The following EML6 variants were observed in gnomAD, a reference collection of about 807,000 sequenced individuals.
The protein encoded by EML6 is EMAP like 6.
EML6 carries 154 observed loss-of-function variants against 240.1 expected under a neutral mutation model. The ratio of observed to expected loss-of-function variants is 0.64; its 90% CI spans 0.56 to 0.73. EML6 has a LOEUF of 0.73. Ranked by LOEUF, EML6 falls within the 30% of genes least tolerant of loss-of-function variation. EML6 has a pLI of 0.00. For missense variants in EML6, 2,964 were observed against 2,474.6 expected (o/e 1.20, Z -4.20); for synonymous variants, 1,148 against 899.0 (o/e 1.28, Z -4.95).
chr2:54,876,168 A>G (rs1268250756), intron 16 of EML6, among the ~76,000 whole-genome samples: 3 of 152,260 alleles, frequency 2.0e-5, no homozygotes, highest in Non-Finnish European at 4.4e-5. Flanking sequence ...ATGGCTAAAA[A>G]TAAAAAACTT....
chr2:54,803,553 C>T (rs1670295762), intron 2 of EML6, among the ~76,000 whole-genome samples: 2 of 152,120 alleles, frequency 1.3e-5, no homozygotes, highest in Admixed American at 1.3e-4. Flanking sequence ...AAGTGATTAT[C>T]TTAAAGTTGC....
chr2:54,825,175 G>A (rs1330406528), intron 5 of EML6, among the ~76,000 whole-genome samples: 1 of 152,072 alleles, frequency 6.6e-6, no homozygotes, highest in African/African-American at 2.4e-5. Flanking sequence ...CAAAGTTAAA[G>A]GACAAAATAA....
chr2:54,757,556 G>A (rs561125247), intron 2 of EML6, among the ~76,000 whole-genome samples: 5 of 152,274 alleles, frequency 3.3e-5, no homozygotes, highest in East Asian at 1.9e-4. Context: ...CAAGGCCGCC[G>A]ACTCACTTAA....
At chr2:54,752,335 G>C (rs1406394854) in intron 2 of EML6, among the ~76,000 whole-genome samples, 1 of 151,962 alleles carries the variant, frequency 6.6e-6, no homozygotes, top group Non-Finnish European at 1.5e-5. Context: ...ATATAAAAAA[G>C]TATAAAAATT....
intron 2 of EML6, among the ~76,000 whole-genome samples, chr2:54,808,919 T>A (rs796858063): frequency 2.6e-5 from 4 of 152,250 alleles, no homozygotes; most frequent in Non-Finnish European, 5.9e-5. Flanking sequence ...CAGTGCTTTC[T>A]ATTGCTATGG....
intron 2 of EML6, among the ~76,000 whole-genome samples, chr2:54,739,742 G>A (rs539783027): frequency 6.6e-6 from 1 of 152,250 alleles, no homozygotes; most frequent in African/African-American, 2.4e-5. Context: ...GGTGGTTAGG[G>A]AAGGCTTTCT....
In EML6 at chr2:54,813,346, C is replaced by T; in HGVS notation, c.312C>T (p.Val104=). ...NVQTVSLLKD[V]HTHGVACLAF... is the part of the protein sequence containing the mutation. Reference sequence around the variant, plus strand: ...AGACTGTGTCTCTTCTTAAAGATGTCCATACACATGGAGTTGCCTGCCTGG... The same window carrying T: ...AGACTGTGTCTCTTCTTAAAGATGTTCATACACATGGAGTTGCCTGCCTGG... Residue 104 remains valine, a synonymous_variant, in exon 3 of 42, where the codon GTC becomes GTT. Transcript: ENST00000356458. 2 of 1,551,590 alleles carry T rather than the reference C, an allele frequency of 1.3e-6. No homozygotes were observed. Among genetic ancestry groups the T allele is most frequent in the Non-Finnish European group, 1.7e-6 (2 of 1,146,776 alleles).
chr2:54,950,460 G>C (rs1310063481), intron 29 of EML6, among the ~76,000 whole-genome samples, 190 bp from the exon 30 acceptor site: 1 of 152,232 alleles, frequency 6.6e-6, no homozygotes, highest in Non-Finnish European at 1.5e-5. Flanking sequence ...CAGCATTTCA[G>C]AAAACTAAAG....
At chr2:54,749,986 T>C (rs1287034064) in intron 2 of EML6, among the ~76,000 whole-genome samples, 1 of 152,240 alleles carries the variant, frequency 6.6e-6, no homozygotes, top group Non-Finnish European at 1.5e-5. Flanking sequence ...AATTTCTGCT[T>C]GACACTAGGT....
At chr2:54,937,002 G>A (rs1418505438) in intron 28 of EML6, among the ~76,000 whole-genome samples, 9 of 150,188 alleles carry the variant, frequency 6.0e-5, no homozygotes, top group South Asian at 2.1e-4. Flanking sequence ...AGTCTGGGCC[G>A]GGCACAGTGG....
At chr2:54,860,764 T>C (rs1670631388) in intron 12 of EML6, among the ~76,000 whole-genome samples, 1 of 152,222 alleles carries the variant, frequency 6.6e-6, no homozygotes, top group African/African-American at 2.4e-5. Flanking sequence ...TGCAGCGGCT[T>C]CTTCTCTTAG....
At chr2:54,965,094 A>C (rs1676689696) in intron 38 of EML6, among the ~76,000 whole-genome samples, 1 of 151,742 alleles carries the variant, frequency 6.6e-6, no homozygotes, top group Non-Finnish European at 1.5e-5. Context: ...GTCTTTCCCA[A>C]CTCTACTGGG....
intron 2 of EML6, among the ~76,000 whole-genome samples, chr2:54,807,265 A>G (rs1194093921): frequency 6.6e-6 from 1 of 152,242 alleles, no homozygotes; most frequent in East Asian, 1.9e-4. Flanking sequence ...TTAAAGTTCC[A>G]ATATGTATAT....
chr2:54,953,256 C>G (rs1478759862), intron 31 of EML6, among the ~76,000 whole-genome samples: 2 of 152,154 alleles, frequency 1.3e-5, no homozygotes, highest in Non-Finnish European at 2.9e-5. Flanking sequence ...CTATTGTTTT[C>G]CCTTGACGCT....
At chr2:54,752,136 G>T (rs752141718) in intron 2 of EML6, among the ~76,000 whole-genome samples, 9 of 152,052 alleles carry the variant, frequency 5.9e-5, no homozygotes, top group Non-Finnish European at 1.3e-4. Context: ...ACTTAGGTTT[G>T]TTGGGAACCT....
chr2:54,867,132 C>T, intron 14 of EML6: 1 of 314,936 alleles, frequency 3.2e-6, no homozygotes, highest in East Asian at 5.1e-5. Context: ...TCATATAATT[C>T]CATGACTTAA....
chr2:54,776,356 C>T (rs954944733), intron 2 of EML6, among the ~76,000 whole-genome samples: 7 of 152,096 alleles, frequency 4.6e-5, no homozygotes, highest in Non-Finnish European at 5.9e-5. Context: ...TCGGTACCTT[C>T]GTGTTGGGTA....
At chr2:54,777,441 C>G (rs1389064250) in intron 2 of EML6, among the ~76,000 whole-genome samples, 3 of 152,170 alleles carry the variant, frequency 2.0e-5, no homozygotes, top group African/African-American at 7.2e-5. Flanking sequence ...AATCTGAGTC[C>G]TTCGCTTTCT....
Position 54,968,960 on chromosome 2 carries a change from G to A in EML6, c.5852+192G>A, listed in dbSNP as rs868753151. ...ATAAGGCATTTACTCTTTGGTGACT[G>A]TCAACCCAATGGTTGTGACTGGAGC... On this transcript the variant is annotated intron_variant, in intron 41 of 41. Coordinates refer to ENST00000356458, the MANE Select transcript of EML6 (RefSeq NM_001039753.4). 2.6e-5 allele frequency among the ~76,000 whole-genome samples: 4 copies of A among 152,300 alleles called. No individual in the cohort carries two copies. In the Middle Eastern group the frequency reaches 0.014, roughly 518 times the overall value.
Sources: allele counts gnomAD v4.1 joint callset (sites outside exome capture counted in the v4.1 genomes callset), GRCh38; gene constraint gnomAD v4.1.1; transcripts MANE v1.5; gene names NCBI Gene and HGNC (gene_info 2026-07-23, HGNC 2026-07-21).